The following RARB variants were observed in gnomAD, a reference collection of about 807,000 sequenced individuals.
RARB encodes the protein retinoic acid receptor beta.
Under a neutral mutation model 51.9 loss-of-function variants are expected in RARB, and 17 were observed. The observed-to-expected ratio is 0.33, with a 90% CI of 0.22 to 0.49. RARB has a LOEUF of 0.49. Ranked by LOEUF, RARB falls within the 20% of genes least tolerant of loss-of-function variation. The pLI, the probability that RARB is intolerant of heterozygous loss-of-function variation, is 0.99. For synonymous variants in RARB, 215 were observed against 195.4 expected, an observed-to-expected ratio of 1.10 and a Z score of -0.84; for missense variants, 369 against 550.8, an observed-to-expected ratio of 0.67 and a Z score of 3.30.
rs1699457507 is a variant in RARB, at chr3:25,543,195, A to G, written c.449-26563A>G. Reference sequence around the variant, plus strand: ...CACTCATGTGTACATACACATGTACACGTGGTTTGGGACCACCTAAAGTAT... The same window carrying G: ...CACTCATGTGTACATACACATGTACGCGTGGTTTGGGACCACCTAAAGTAT... On this transcript the variant is annotated intron_variant, in intron 3 of 7. Transcript: ENST00000330688. Among the ~76,000 whole-genome samples, 3 of 152,308 alleles carry G rather than the reference A, an allele frequency of 2.0e-5. No homozygotes were observed. In the South Asian group the frequency reaches 6.2e-4, roughly 32 times the overall value.
intron 3 of RARB, among the ~76,000 whole-genome samples, chr3:25,120,774 T>C (rs1022675604): frequency 6.6e-5 from 10 of 152,150 alleles, no homozygotes; most frequent in African/African-American, 2.4e-4. Context: ...TATGAGGCTT[T>C]TTGTCTTAAA....
chr3:25,317,953 A>G (rs1328693348), intron 5 of RARB, among the ~76,000 whole-genome samples: 3 of 152,118 alleles, frequency 2.0e-5, no homozygotes, highest in African/African-American at 4.8e-5. Flanking sequence ...GAATTGATGA[A>G]GCTTTCCCAG....
intron 5 of RARB, among the ~76,000 whole-genome samples, chr3:25,252,071 A>G (rs138877773): frequency 2.0e-5 from 3 of 152,130 alleles, no homozygotes; most frequent in Non-Finnish European, 2.9e-5. Context: ...ACTCTTTTAC[A>G]TGTGAATACA....
At chr3:25,130,924 T>A (rs1295539243) in intron 3 of RARB, among the ~76,000 whole-genome samples, 2 of 19,890 alleles carry the variant, frequency 1.0e-4, no homozygotes, top group African/African-American at 3.6e-4. Context: ...ATTATCAATA[T>A]TTATCATTGA....
intron 2 of RARB, among the ~76,000 whole-genome samples, chr3:24,907,341 G>A (rs1329042326): frequency 2.0e-5 from 3 of 152,196 alleles, no homozygotes; most frequent in African/African-American, 4.8e-5. Flanking sequence ...AATTCCCTAA[G>A]TAATGCTGAT....
intron 5 of RARB, among the ~76,000 whole-genome samples, chr3:25,409,499 A>G (rs569718818): frequency 1.3e-5 from 2 of 152,290 alleles, no homozygotes; most frequent in East Asian, 3.9e-4. Flanking sequence ...GGGTGTAAGA[A>G]CCTTCTCCGG....
intron 2 of RARB, among the ~76,000 whole-genome samples, chr3:25,040,709 C>A (rs1255597938): frequency 6.6e-6 from 1 of 152,186 alleles, no homozygotes; most frequent in African/African-American, 2.4e-5. Context: ...GCCAGTATCA[C>A]ACCACTGTGC....
At chr3:24,866,312 C>G (rs1559376208) in intron 2 of RARB, among the ~76,000 whole-genome samples, 3 of 152,082 alleles carry the variant, frequency 2.0e-5, no homozygotes, top group Admixed American at 6.5e-5. Context: ...TCCTCAAGCC[C>G]ACACCTCAAA....
chr3:24,957,691 T>G (rs1696046609), intron 2 of RARB, among the ~76,000 whole-genome samples: 1 of 152,224 alleles, frequency 6.6e-6, no homozygotes, highest in Non-Finnish European at 1.5e-5. Context: ...TATTAGCATT[T>G]TCAGGTAACT....
At chr3:25,365,711 A>G (rs978201688) in intron 5 of RARB, among the ~76,000 whole-genome samples, 4 of 152,186 alleles carry the variant, frequency 2.6e-5, no homozygotes, top group South Asian at 2.1e-4. Flanking sequence ...GGATAATTCA[A>G]AGGTTGAGAT....
chr3:24,952,449 TCTA>T (rs1414434720), intron 2 of RARB, among the ~76,000 whole-genome samples: 1 of 152,118 alleles, frequency 6.6e-6, no homozygotes, highest in Non-Finnish European at 1.5e-5. Flanking sequence ...TAAAATGTAT[TCTA>T]CTCTCTGCTA....
chr3:25,423,494 A>G (rs1025594481), upstream of RARB, among the ~76,000 whole-genome samples: 3 of 152,262 alleles, frequency 2.0e-5, no homozygotes, highest in Admixed American at 2.0e-4. Flanking sequence ...ATACTGGTAT[A>G]ATAGCAACAA....
chr3:24,918,075 C>T (rs1248022146), intron 2 of RARB, among the ~76,000 whole-genome samples: 3 of 152,180 alleles, frequency 2.0e-5, no homozygotes, highest in South Asian at 4.1e-4. Flanking sequence ...GGAAAACATA[C>T]ATCCACACAA....
At chr3:25,261,800 C>A (rs910336906) in intron 5 of RARB, among the ~76,000 whole-genome samples, 7 of 152,174 alleles carry the variant, frequency 4.6e-5, no homozygotes, top group Non-Finnish European at 1.0e-4. Flanking sequence ...TACCTTCATG[C>A]CTTACATCCC....
chr3:25,187,158 C>A lies in RARB; in HGVS notation c.178+12583C>A, dbSNP rs147132360. 2.3e-3 allele frequency among the ~76,000 whole-genome samples: 354 copies of A among 152,106 alleles called. 2 individuals carry two copies. Among genetic ancestry groups the A allele is most frequent in the East Asian group, 0.02 (105 of 5,164 alleles). ...GAGGGTCTTATGACCTGCAGGAGAG[C>A]ATGGTGAGAGGAAGAAGACAATGGC... On this transcript the variant is annotated intron_variant, in intron 5 of 11. Transcript: ENST00000383772.
At chr3:24,934,287 A>G (rs1351441422) in intron 2 of RARB, among the ~76,000 whole-genome samples, 1 of 152,070 alleles carries the variant, frequency 6.6e-6, no homozygotes, top group African/African-American at 2.4e-5. Flanking sequence ...CTTACCTACC[A>G]TTCGGCTGAG....
intron 3 of RARB, among the ~76,000 whole-genome samples, chr3:25,062,731 A>G (rs1329130694): frequency 6.6e-6 from 1 of 151,966 alleles, no homozygotes; most frequent in African/African-American, 2.4e-5. Flanking sequence ...AGAGACAGAA[A>G]GTGGCTTATT....
At chr3:25,334,372 C>CT (rs1449093412) in intron 5 of RARB, among the ~76,000 whole-genome samples, 1 of 152,100 alleles carries the variant, frequency 6.6e-6, no homozygotes, top group African/African-American at 2.4e-5. Context: ...AGTTCATGTC[C>CT]TTTTTAGGGA....
chr3:25,547,483 T>C (rs962411367), intron 3 of RARB, among the ~76,000 whole-genome samples: 2 of 152,200 alleles, frequency 1.3e-5, no homozygotes, highest in Non-Finnish European at 2.9e-5. Context: ...ATAAAATGAA[T>C]AGTCCCATGT....
Sources: allele counts gnomAD v4.1 joint callset (sites outside exome capture counted in the v4.1 genomes callset), GRCh38; gene constraint gnomAD v4.1.1; transcripts MANE v1.5; gene names NCBI Gene and HGNC (gene_info 2026-07-23, HGNC 2026-07-21).